Variants in ANKS1B observed in about 807,000 individuals in gnomAD.
The protein encoded by ANKS1B is ankyrin repeat and sterile alpha motif domain containing 1B, also known as ankyrin repeat and sterile alpha motif domain-containing protein 1B.
Under a neutral mutation model 148.3 loss-of-function variants are expected in ANKS1B, and 36 were observed. The observed-to-expected ratio is 0.24, with a 90% confidence interval of 0.19 to 0.32. The LOEUF (loss-of-function observed/expected upper bound fraction) is 0.32, where lower values mean the gene tolerates loss of function less well. Among genes scored for constraint, ANKS1B ranks in the 10% least tolerant of loss-of-function variants. The pLI is 1.00. For synonymous variants in ANKS1B, 542 were observed against 560.8 expected (o/e 0.97, Z 0.47); for missense variants, 1,157 against 1,542.6 (o/e 0.75, Z 4.19).
chr12:98,814,173 C>T (rs953243761), intron 19 of ANKS1B, among the ~76,000 whole-genome samples: 8 of 152,202 alleles, frequency 5.3e-5, no homozygotes, highest in Non-Finnish European at 2.9e-5. Flanking sequence ...AGCCACCGCG[C>T]CTGGCCATAA....
intron 17 of ANKS1B, among the ~76,000 whole-genome samples, chr12:98,961,675 C>T (rs957902704): frequency 1.3e-5 from 2 of 152,078 alleles, no homozygotes; most frequent in African/African-American, 4.8e-5. Flanking sequence ...ATAATAACTA[C>T]AGCCACTTCT....
intron 16 of ANKS1B, among the ~76,000 whole-genome samples, chr12:99,083,594 A>G (rs1333347668): frequency 1.3e-5 from 2 of 152,138 alleles, no homozygotes; most frequent in African/African-American, 2.4e-5. Context: ...TCCTCTTTTT[A>G]AAATTATTTT....
intron 6 of ANKS1B, among the ~76,000 whole-genome samples, chr12:99,778,336 CCT>C (rs1381107032): frequency 6.6e-6 from 1 of 151,800 alleles, no homozygotes; most frequent in Non-Finnish European, 1.5e-5. Flanking sequence ...GGTAAAACCC[CCT>C]CTCTACTAAA....
At chr12:98,895,605 C>T (rs11609751) in intron 17 of ANKS1B, among the ~76,000 whole-genome samples, 15,701 of 152,244 alleles carry the variant, frequency 0.1, 931 homozygotes, top group Middle Eastern at 0.16. Flanking sequence ...CGGTGGCCCT[C>T]TCCTGTGGGA....
chr12:99,362,094 A>C (rs569217720), intron 12 of ANKS1B, among the ~76,000 whole-genome samples: 1 of 152,184 alleles, frequency 6.6e-6, no homozygotes, highest in East Asian at 1.9e-4. Flanking sequence ...ATCCTAACAC[A>C]TCATAAGGAC....
At chr12:99,412,624 C>T (rs904828555) in intron 11 of ANKS1B, among the ~76,000 whole-genome samples, 1 of 152,178 alleles carries the variant, frequency 6.6e-6, no homozygotes, top group Admixed American at 6.5e-5. Context: ...GCAAATGCCT[C>T]AGGTAGTAAC....
exon 10 of ANKS1B, chr12:98,735,264 T>C (rs1411292712): frequency 2.0e-5 from 8 of 399,698 alleles, no homozygotes; most frequent in Non-Finnish European, 3.5e-5. Flanking sequence ...ATAAATTACA[T>C]TGGACTTCAT....
At chr12:99,345,808 C>T (rs1592754674) in intron 12 of ANKS1B, among the ~76,000 whole-genome samples, 2 of 152,056 alleles carry the variant, frequency 1.3e-5, no homozygotes, top group East Asian at 3.9e-4. Context: ...ACCTGCGGAG[C>T]TGAGCCAAAT....
At position 98,870,521 on chromosome 12, in the gene ANKS1B, C is replaced by T. The variant is rs115369296; in HGVS notation, c.2779-38385G>A. On this transcript the variant is annotated intron_variant, in intron 17 of 26. Transcript: ENST00000683438. ...ATTTAAATAAACCACCACTTTCAGG[C>T]CTGCCTGGGAGAAGATATTAGGGCA... Among the ~76,000 whole-genome samples the T allele has an allele frequency of 8.0e-3, 1,220 of 152,366 alleles. 16 individuals are homozygous for T. Among genetic ancestry groups the T allele is most frequent in the African/African-American group, 0.028 (1,159 of 41,596 alleles).
At chr12:99,366,773 A>T (rs964852223) in intron 12 of ANKS1B, among the ~76,000 whole-genome samples, 20 of 152,196 alleles carry the variant, frequency 1.3e-4, no homozygotes, top group African/African-American at 4.6e-4. Context: ...ATATCCTAAG[A>T]GTGAGGGAGC....
chr12:98,762,842 C>T (rs1228358726), intron 25 of ANKS1B, among the ~76,000 whole-genome samples: 2 of 152,226 alleles, frequency 1.3e-5, no homozygotes, highest in African/African-American at 4.8e-5. Context: ...GGGCTCTGGT[C>T]TCACTGGGCT....
At chr12:99,055,729 G>GC (rs764807690) in intron 16 of ANKS1B, among the ~76,000 whole-genome samples, 1 of 151,352 alleles carries the variant, frequency 6.6e-6, no homozygotes, top group Non-Finnish European at 1.5e-5. Flanking sequence ...CTTGGGGGGG[G>GC]GGGAGGTGGT....
intron 9 of ANKS1B, among the ~76,000 whole-genome samples, chr12:99,633,827 T>C (rs2098200805): frequency 6.6e-6 from 1 of 152,196 alleles, no homozygotes; most frequent in Non-Finnish European, 1.5e-5. Flanking sequence ...GCGAAGGATA[T>C]GAACAGACAC....
intron 1 of ANKS1B, among the ~76,000 whole-genome samples, chr12:99,948,477 A>G (rs1316457945): frequency 6.6e-6 from 1 of 152,220 alleles, no homozygotes; most frequent in Non-Finnish European, 1.5e-5. Flanking sequence ...GATACAAAGA[A>G]ACATATTCTA....
At chr12:99,128,617 C>G (rs1356579638) in intron 15 of ANKS1B, among the ~76,000 whole-genome samples, 2 of 152,186 alleles carry the variant, frequency 1.3e-5, no homozygotes, top group African/African-American at 4.8e-5. Context: ...CTGTACATTC[C>G]TCTCAAATTG....
intron 1 of ANKS1B, among the ~76,000 whole-genome samples, chr12:99,920,579 C>A (rs560639417): frequency 3.9e-5 from 6 of 152,008 alleles, no homozygotes; most frequent in South Asian, 2.1e-4. Context: ...ATGATTAATT[C>A]ATTCATTCAT....
intron 2 of ANKS1B, among the ~76,000 whole-genome samples, chr12:99,823,991 T>C (rs1394497180): frequency 6.6e-6 from 1 of 152,226 alleles, no homozygotes; most frequent in Non-Finnish European, 1.5e-5. Context: ...GTTAATACTG[T>C]AGCCTTATGG....
At chr12:99,080,929 C>T (rs576619406) in intron 16 of ANKS1B, among the ~76,000 whole-genome samples, 159 of 152,024 alleles carry the variant, frequency 1.0e-3, no homozygotes, top group Non-Finnish European at 7.9e-4. Flanking sequence ...TCAAGAAGTC[C>T]AGGAAAGCTT....
chr12:99,891,066 A>G (rs893663668), intron 1 of ANKS1B, among the ~76,000 whole-genome samples: 12 of 152,208 alleles, frequency 7.9e-5, no homozygotes, highest in Non-Finnish European at 1.8e-4. Context: ...TGACTCCTTT[A>G]AAGAAGCATA....
Sources: allele counts gnomAD v4.1 joint callset (sites outside exome capture counted in the v4.1 genomes callset), GRCh38; gene constraint gnomAD v4.1.1; transcripts MANE v1.5; gene names NCBI Gene and HGNC (gene_info 2026-07-23, HGNC 2026-07-21).